CNTN5: variants seen among roughly 807,000 people sequenced by gnomAD.
CNTN5 encodes contactin 5.
A neutral mutation model predicts 129.1 loss-of-function variants in CNTN5; 77 were observed. The observed-to-expected ratio is 0.60, with a 90% confidence interval of 0.50 to 0.72. The LOEUF is 0.72. Ranked by LOEUF, CNTN5 falls within the 30% of genes least tolerant of loss-of-function variation. The probability of loss-of-function intolerance (pLI) is 0.00; values close to 1 mark genes in which losing one functional copy is unlikely to be tolerated. For missense variants in CNTN5, 1,478 were observed against 1,328.8 expected (o/e 1.11, Z -1.75); for synonymous variants, 509 against 465.6 (o/e 1.09, Z -1.20).
chr11:99,661,733 T>C (rs915882504), intron 3 of CNTN5, among the ~76,000 whole-genome samples: 1 of 152,066 alleles, frequency 6.6e-6, no homozygotes, highest in African/African-American at 2.4e-5. Flanking sequence ...CTAATATAAA[T>C]GTATCAAAGA....
At chr11:99,931,045 G>C (rs1331668066) in intron 7 of CNTN5, among the ~76,000 whole-genome samples, 14 of 152,084 alleles carry the variant, frequency 9.2e-5, no homozygotes, top group Admixed American at 9.2e-4. Flanking sequence ...AACCTAAACT[G>C]TGTTGTCCAT....
chr11:99,520,828 G>A (rs911980729), intron 2 of CNTN5, among the ~76,000 whole-genome samples: 1 of 151,966 alleles, frequency 6.6e-6, no homozygotes, highest in Admixed American at 6.6e-5. Flanking sequence ...TGTTACAATG[G>A]CTTGGGTAGC....
At chr11:100,224,209 C>T (rs934777754) in intron 15 of CNTN5, among the ~76,000 whole-genome samples, 1 of 152,158 alleles carries the variant, frequency 6.6e-6, no homozygotes, top group Non-Finnish European at 1.5e-5. Context: ...TTCAACTGAG[C>T]ACTGTCTCAT....
intron 3 of CNTN5, among the ~76,000 whole-genome samples, chr11:99,657,459 T>C (rs1025987429): frequency 6.6e-6 from 1 of 152,144 alleles, no homozygotes; most frequent in Non-Finnish European, 1.5e-5. Flanking sequence ...GTATCCTTGA[T>C]TGCTGTACAC....
At chr11:99,963,893 C>T (rs1272613157) in intron 8 of CNTN5, among the ~76,000 whole-genome samples, 1 of 152,008 alleles carries the variant, frequency 6.6e-6, no homozygotes, top group Non-Finnish European at 1.5e-5. Context: ...AAGTTGGATT[C>T]CTAAGTATTT....
At chr11:99,113,820 C>T (rs1857911993) in intron 1 of CNTN5, among the ~76,000 whole-genome samples, 1 of 152,072 alleles carries the variant, frequency 6.6e-6, no homozygotes, top group African/African-American at 2.4e-5. Flanking sequence ...AAATAAATTC[C>T]TAACTTATTA....
chr11:99,152,393 A>G (rs185934037), intron 1 of CNTN5, among the ~76,000 whole-genome samples: 1 of 152,222 alleles, frequency 6.6e-6, no homozygotes. Context: ...TTACCATTAT[A>G]TAACACCCTT....
At chr11:99,641,004 A>C (rs1951752041) in intron 3 of CNTN5, among the ~76,000 whole-genome samples, 1 of 152,194 alleles carries the variant, frequency 6.6e-6, no homozygotes, top group Non-Finnish European at 1.5e-5. Flanking sequence ...TGATGCTTAA[A>C]CATACTTTTG....
At chr11:99,164,254 C>T (rs2135522382) in intron 1 of CNTN5, among the ~76,000 whole-genome samples, 1 of 141,222 alleles carries the variant, frequency 7.1e-6, no homozygotes, top group African/African-American at 2.7e-5. Context: ...ACCCAGGAGG[C>T]AGAGGTTGTA....
intron 1 of CNTN5, among the ~76,000 whole-genome samples, chr11:99,080,818 C>T (rs756201319): frequency 5.3e-5 from 8 of 151,970 alleles, no homozygotes; most frequent in Non-Finnish European, 5.9e-5. Flanking sequence ...GTTTTGAGGA[C>T]GATTAAATGA....
intron 10 of CNTN5, among the ~76,000 whole-genome samples, chr11:100,066,385 A>G (rs1179443145): frequency 6.6e-6 from 1 of 152,156 alleles, no homozygotes; most frequent in East Asian, 1.9e-4. Context: ...TGACTCCTCA[A>G]TACATAAGAG....
intron 21 of CNTN5, among the ~76,000 whole-genome samples, chr11:100,338,991 C>T (rs1229290909): frequency 6.6e-6 from 1 of 151,788 alleles, no homozygotes; most frequent in Non-Finnish European, 1.5e-5. Flanking sequence ...CCTCCACTGT[C>T]CATGGATGGC....
At chr11:99,163,253 T>C (rs1403414852) in intron 1 of CNTN5, among the ~76,000 whole-genome samples, 1 of 152,074 alleles carries the variant, frequency 6.6e-6, no homozygotes, top group African/African-American at 2.4e-5. Context: ...AGAAGGAAAA[T>C]AAATTTACGT....
chr11:99,374,934 G>A (rs1591592797), intron 2 of CNTN5, among the ~76,000 whole-genome samples: 2 of 152,148 alleles, frequency 1.3e-5, no homozygotes, highest in African/African-American at 4.8e-5. Context: ...CAGGAAAATG[G>A]TTCTGGTGCT....
chr11:99,828,933 T>G (rs570435091), intron 4 of CNTN5, among the ~76,000 whole-genome samples: 3 of 152,310 alleles, frequency 2.0e-5, no homozygotes, highest in African/African-American at 7.2e-5. Flanking sequence ...CTATATTCTA[T>G]TTCCAGCGAG....
At chr11:99,761,814 G>A (rs1242649604) in intron 3 of CNTN5, among the ~76,000 whole-genome samples, 2 of 101,382 alleles carry the variant, frequency 2.0e-5, no homozygotes, top group African/African-American at 7.3e-5. Flanking sequence ...GGTATTTCTA[G>A]TTCTAGATCC....
At chr11:99,553,142 T>A (rs1948550646) in intron 2 of CNTN5, among the ~76,000 whole-genome samples, 1 of 152,192 alleles carries the variant, frequency 6.6e-6, no homozygotes, top group South Asian at 2.1e-4. Flanking sequence ...TCTTTGAATG[T>A]AATAGTTGAC....
At chr11:100,274,283 A>C (rs1950461690) in intron 18 of CNTN5, among the ~76,000 whole-genome samples, 1 of 152,216 alleles carries the variant, frequency 6.6e-6, no homozygotes, top group South Asian at 2.1e-4. Flanking sequence ...AAAACAACCT[A>C]GGTAATACTG....
At chr11:99,061,319 G>A (rs1272412019) in intron 1 of CNTN5, among the ~76,000 whole-genome samples, 1 of 152,114 alleles carries the variant, frequency 6.6e-6, no homozygotes, top group East Asian at 1.9e-4. Flanking sequence ...CAAAGACTGA[G>A]TGTGTGGGGA....
Sources: gnomAD v4.1 joint callset for allele counts (sites outside exome capture counted in the v4.1 genomes callset) on GRCh38, gnomAD v4.1.1 for gene constraint, MANE v1.5 for transcripts, NCBI Gene and HGNC (gene_info 2026-07-23, HGNC 2026-07-21) for gene names.